Variants in UACA observed in about 807,000 individuals in gnomAD.
UACA encodes the protein nuclear membrane binding protein.
UACA carries 112 observed loss-of-function variants against 160.5 expected under a neutral mutation model. The observed-to-expected ratio is 0.70, with a 90% CI of 0.60 to 0.82. UACA has a LOEUF of 0.82. Among genes scored for constraint, UACA ranks in the 40% least tolerant of loss-of-function variants. The probability of loss-of-function intolerance (pLI) is 0.00; values close to 1 mark genes in which losing one functional copy is unlikely to be tolerated. For missense variants in UACA, 1,574 were observed against 1,614.6 expected (o/e 0.97, Z 0.43); for synonymous variants, 557 against 568.4 (o/e 0.98, Z 0.29).
chr15:70,700,239 C>CA (rs910005066), intron 1 of UACA, among the ~76,000 whole-genome samples: 2 of 148,924 alleles, frequency 1.3e-5, no homozygotes, highest in African/African-American at 5.0e-5. Context: ...AGAAACTACC[C>CA]CCCCCCAACA....
At chr15:70,764,123 CGTTATAGTAA>C (rs1341844214), upstream of UACA, among the ~76,000 whole-genome samples, 11 of 152,172 alleles carry the variant, frequency 7.2e-5, no homozygotes, top group African/African-American at 2.7e-4. Context: ...CCTTGAAAGA[CGTTATAGTAA>C]GTTACAGTAC....
At chr15:70,693,685 A>G (rs1252204349) in intron 3 of UACA, among the ~76,000 whole-genome samples, 1 of 152,048 alleles carries the variant, frequency 6.6e-6, no homozygotes, top group Non-Finnish European at 1.5e-5. Flanking sequence ...CTGCAAAGAA[A>G]GAAGGCAAGC....
intron 1 of UACA, among the ~76,000 whole-genome samples, chr15:70,739,007 A>G (rs947111317): frequency 3.3e-5 from 5 of 152,218 alleles, no homozygotes; most frequent in African/African-American, 9.6e-5. Context: ...CATCACTTCT[A>G]ACACATTCTA....
At chr15:70,659,395 GTTTTTTTTT>G (rs71152307) in intron 18 of UACA, among the ~76,000 whole-genome samples, 50 of 18,834 alleles carry the variant, frequency 2.7e-3, no homozygotes, top group African/African-American at 7.1e-3. Flanking sequence ...TTTTTTGTTT[GTTTTTTTTT>G]TTTTTTTTTT....
At chr15:70,765,218 A>G (rs977594227), upstream of UACA, among the ~76,000 whole-genome samples, 3 of 151,988 alleles carry the variant, frequency 2.0e-5, no homozygotes, top group African/African-American at 4.8e-5. Flanking sequence ...GTCTGTCTAC[A>G]TTCATCTCAG....
chr15:70,681,872 C>G (rs1897520837), intron 9 of UACA: 1 of 152,174 alleles, frequency 6.6e-6, no homozygotes, highest in Non-Finnish European at 1.5e-5. Flanking sequence ...TATCTCAGAA[C>G]TTAAAGCAAA....
chr15:70,657,023 G>C lies in UACA; in HGVS notation c.*33C>G. 2 of 1,592,264 alleles carry C rather than the reference G, an allele frequency of 1.3e-6. No homozygotes were observed. Among genetic ancestry groups the C allele is most frequent in the Non-Finnish European group, 1.7e-6 (2 of 1,160,166 alleles). ...CACAAAGAATGTTCAGCACCAGCAAGATAAAACAGATACTGGCAGTCAGTG... is the reference window on the plus strand; with the variant it reads ...CACAAAGAATGTTCAGCACCAGCAACATAAAACAGATACTGGCAGTCAGTG... On this transcript the variant is annotated 3_prime_UTR_variant, in exon 19 of 19. Coordinates refer to ENST00000322954, the MANE Select transcript of UACA (RefSeq NM_018003.4).
upstream of UACA, among the ~76,000 whole-genome samples, chr15:70,764,875 C>T (rs1298499358): frequency 1.3e-5 from 2 of 152,078 alleles, no homozygotes; most frequent in Non-Finnish European, 2.9e-5. Flanking sequence ...TTCTCACTGC[C>T]ACTGCAGAGC....
At chr15:70,739,864 T>C (rs1181476291) in intron 1 of UACA, among the ~76,000 whole-genome samples, 2 of 152,308 alleles carry the variant, frequency 1.3e-5, no homozygotes, top group East Asian at 3.9e-4. Flanking sequence ...CAACTCTATC[T>C]CATCTCCAAC....
intron 1 of UACA, among the ~76,000 whole-genome samples, chr15:70,710,394 TC>T (rs1898648577): frequency 6.6e-6 from 1 of 152,284 alleles, no homozygotes; most frequent in African/African-American, 2.4e-5. Flanking sequence ...ACAAAATACT[TC>T]CGTGACCAAA....
chr15:70,710,950 C>T (rs548961810), intron 1 of UACA, among the ~76,000 whole-genome samples: 53 of 152,186 alleles, frequency 3.5e-4, no homozygotes, highest in Non-Finnish European at 6.3e-4. Context: ...TTTCCCCGCC[C>T]CTGAGGCTGG....
upstream of UACA, among the ~76,000 whole-genome samples, chr15:70,764,101 A>G (rs1482947999): frequency 3.3e-5 from 5 of 152,224 alleles, no homozygotes; most frequent in Admixed American, 2.0e-4. Flanking sequence ...AAAAACGTAC[A>G]GTTAAGAAAG....
chr15:70,707,017 C>T (rs1360617010), intron 1 of UACA, among the ~76,000 whole-genome samples: 2 of 152,148 alleles, frequency 1.3e-5, no homozygotes, highest in Non-Finnish European at 2.9e-5. Context: ...GAAGACCTCA[C>T]ACTTCCTGAT....
chr15:70,707,864 G>C (rs1898565729), intron 1 of UACA, among the ~76,000 whole-genome samples: 1 of 152,190 alleles, frequency 6.6e-6, no homozygotes, highest in Non-Finnish European at 1.5e-5. Context: ...CACATATGGT[G>C]ATTCCTCGAA....
intron 1 of UACA, among the ~76,000 whole-genome samples, chr15:70,706,907 C>T (rs915052472): frequency 6.6e-6 from 1 of 152,152 alleles, no homozygotes; most frequent in African/African-American, 2.4e-5. Flanking sequence ...CTATCAAAAT[C>T]CCAATGGCAT....
the UACA span, among the ~76,000 whole-genome samples, chr15:70,772,221 C>T: frequency 5.9e-5 from 9 of 151,988 alleles, no homozygotes; most frequent in Admixed American, 6.5e-5. Context: ...ATCTAGGGCG[C>T]GGTGGCTCAC....
chr15:70,745,279 C>G (rs1341830696), intron 1 of UACA, among the ~76,000 whole-genome samples: 1 of 151,366 alleles, frequency 6.6e-6, no homozygotes, highest in Non-Finnish European at 1.5e-5. Flanking sequence ...AAAAAAAATA[C>G]AAAAAATTAG....
rs1244652053 is a variant in UACA, at chr15:70,655,958, C to T, written c.*1098G>A. On this transcript the variant is annotated 3_prime_UTR_variant, in exon 19 of 19. Coordinates refer to ENST00000322954, the MANE Select transcript of UACA (RefSeq NM_018003.4). ...AAAAATAACAAGACATATAAACTTTCCCTAATGAGATGCAGTTAATAAAAA... is the reference window on the plus strand; with the variant it reads ...AAAAATAACAAGACATATAAACTTTTCCTAATGAGATGCAGTTAATAAAAA... 3 of 152,252 alleles carry T rather than the reference C, an allele frequency of 2.0e-5. No individual in the cohort carries two copies. The highest frequency in any genetic ancestry group is 2.9e-5 in the Non-Finnish European group (2 of 68,006). 9.4% of individuals were successfully genotyped at this position (152,252 alleles called of 1,614,324 possible).
Position 70,744,265 on chromosome 15 carries a change from A to AAAAG in UACA, c.78+19061_78+19064dup, listed in dbSNP as rs1566997346. ...CTCTGTCTCAAAAAAAAAAAAAAAA[A>AAAAG]AAAGAAAGAAAAACTAGGATGAAGG... On this transcript the variant is annotated intron_variant, in intron 1 of 18. Coordinates refer to ENST00000322954, the MANE Select transcript of UACA (RefSeq NM_018003.4). Among the ~76,000 whole-genome samples the AAAAG allele has an allele frequency of 9.9e-4, 148 of 148,982 alleles. 2 individuals are homozygous for AAAAG. Among genetic ancestry groups the AAAAG allele is most frequent in the African/African-American group, 3.5e-3 (136 of 39,086 alleles).
Sources: gnomAD v4.1 joint callset for allele counts (sites outside exome capture counted in the v4.1 genomes callset) on GRCh38, gnomAD v4.1.1 for gene constraint, MANE v1.5 for transcripts, NCBI Gene and HGNC (gene_info 2026-07-23, HGNC 2026-07-21) for gene names.